NOD2: variants seen among roughly 807,000 people sequenced by gnomAD.
The protein encoded by NOD2 is nucleotide-binding oligomerization domain-containing protein 2.
NOD2 carries 86 observed loss-of-function variants against 90.9 expected under a neutral mutation model. That is an observed-to-expected ratio of 0.95 (90% confidence interval 0.79 to 1.13). The LOEUF is 1.13. Among genes scored for constraint, NOD2 ranks in the 50% most tolerant of loss-of-function variants. The pLI, the probability that NOD2 is intolerant of heterozygous loss-of-function variation, is 0.00. For synonymous variants in NOD2, 581 were observed against 554.6 expected (o/e 1.05, Z -0.67); for missense variants, 1,238 against 1,283.8 (o/e 0.96, Z 0.55).
In NOD2 at chr16:50,711,351, C is replaced by T. The variant is rs753323790; in HGVS notation, c.1359C>T (p.His453=). The T allele has an allele frequency of 2.2e-5, 36 of 1,613,468 alleles. No homozygotes were observed. Among genetic ancestry groups the T allele is most frequent in the South Asian group, 5.5e-5 (5 of 91,092 alleles). ...IRLLQETSAL[H]GLCHLPVFSW... is the part of the protein sequence containing the mutation. Reference sequence around the variant, plus strand: ...TGCTCCAAGAGACCTCAGCCCTGCACGGTTTGTGCCACCTGCCTGTCTTCT... The same window carrying T: ...TGCTCCAAGAGACCTCAGCCCTGCATGGTTTGTGCCACCTGCCTGTCTTCT... Residue 453 remains histidine (H), a synonymous_variant, in exon 4 of 12, where the codon CAC becomes CAT. Coordinates refer to ENST00000647318, the MANE Select transcript of NOD2 (RefSeq NM_001370466.1).
chr16:50,717,377 C>T (rs1964848139), intron 6 of NOD2, among the ~76,000 whole-genome samples: 1 of 152,206 alleles, frequency 6.6e-6, no homozygotes, highest in Non-Finnish European at 1.5e-5. Context: ...GAGGTCCTTT[C>T]ACCACTCAGA....
At chr16:50,719,298 C>T (rs972015434) in intron 6 of NOD2, among the ~76,000 whole-genome samples, 14 of 152,148 alleles carry the variant, frequency 9.2e-5, no homozygotes, top group African/African-American at 2.4e-4. Context: ...AGAATGAAAG[C>T]GTATAGTTAT....
intron 10 of NOD2, chr16:50,727,452 C>A: frequency 5.0e-6 from 1 of 200,786 alleles, no homozygotes; most frequent in Non-Finnish European, 1.0e-5. Context: ...AAATAGGAAC[C>A]ATTAAAATCA....
intron 1 of NOD2, chr16:50,697,733 G>T (rs1018171150): frequency 6.3e-6 from 2 of 316,386 alleles, no homozygotes; most frequent in Non-Finnish European, 1.2e-5. Context: ...CTCCCAAGCA[G>T]CCAGACACAC....
intron 3 of NOD2, 84 bp from the exon 4 acceptor site, chr16:50,710,474 C>T (rs1051997843): frequency 8.9e-6 from 14 of 1,579,148 alleles, no homozygotes; most frequent in Middle Eastern, 1.8e-4. Flanking sequence ...GTTATGTCAG[C>T]GTCCCCCGCA....
At position 50,719,965 on chromosome 16, in the gene NOD2, C is replaced by G. The variant is rs371163141; in HGVS notation, c.2590C>G (p.Leu864Val). 3.1e-6 allele frequency: 5 copies of G among 1,614,074 alleles called. No homozygotes were observed. In the African/African-American group the frequency reaches 5.3e-5, roughly 17 times the overall value. Reference protein sequence around the residue: ...NYITAAGAQVLAEGLRGNTSL... With the variant: ...NYITAAGAQVVAEGLRGNTSL... ...CATCACTGCCGCGGGAGCCCAAGTG[C>G]TGGCCGAGGGGCTCCGAGGCAACAC... is the stretch of plus-strand genomic sequence containing the variant. Residue 864 changes from leucine (L) to valine (V), a missense_variant, in exon 7 of 12, where the codon CTG becomes GTG. Physicochemically the swap from Leu to Val is conservative, Grantham distance 32 (BLOSUM62 1). This residue lies in a region of NOD2 where 667 missense variants were observed against 688.7 expected (regional missense o/e 0.97). Coordinates refer to ENST00000647318, the MANE Select transcript of NOD2 (RefSeq NM_001370466.1).
chr16:50,697,556 C>T, intron 1 of NOD2: 2 of 597,638 alleles, frequency 3.3e-6, no homozygotes, highest in South Asian at 1.9e-5. Flanking sequence ...CAGGGCCAAG[C>T]CCAGAGCTTA....
Position 50,707,865 on chromosome 16 carries a change from T to C in NOD2, c.470T>C (p.Leu157Pro), listed in dbSNP as rs1400044115. 3.7e-6 allele frequency: 6 copies of C among 1,613,076 alleles called. No homozygotes were observed. Among genetic ancestry groups the C allele is most frequent in the Non-Finnish European group, 5.1e-6 (6 of 1,179,110 alleles). ...IFTPSQRARR[L>P]LDLATVKANG... Reference sequence around the variant, plus strand: ...CTGCCTTTCCTGTAGGCAAGAAGGCTGCTTGATCTTGCCACGGTGAAAGCG... The same window carrying C: ...CTGCCTTTCCTGTAGGCAAGAAGGCCGCTTGATCTTGCCACGGTGAAAGCG... Residue 157 changes from leucine to proline, a missense_variant, in exon 3 of 12, where the codon CTG (leucine) becomes CCG (proline). Leu to Pro is a moderately conservative substitution (Grantham distance 98). Coordinates refer to ENST00000647318, the MANE Select transcript of NOD2 (RefSeq NM_001370466.1).
chr16:50,730,006 C>T, intron 11 of NOD2, 105 bp downstream of exon 11: 1 of 756,184 alleles, frequency 1.3e-6, no homozygotes. Flanking sequence ...AGGATCCCTT[C>T]TGATTCTGAC....
chr16:50,726,269 C>T (rs1045123411), intron 10 of NOD2, among the ~76,000 whole-genome samples: 1 of 149,488 alleles, frequency 6.7e-6, no homozygotes, highest in Non-Finnish European at 1.5e-5. Flanking sequence ...TTCAAGTAGA[C>T]CTCAGGAACC....
At chr16:50,707,085 A>G (rs1286448861) in intron 2 of NOD2, among the ~76,000 whole-genome samples, 1 of 152,116 alleles carries the variant, frequency 6.6e-6, no homozygotes, top group Non-Finnish European at 1.5e-5. Flanking sequence ...ATTAAAGTTG[A>G]TTTCATCTAT....
chr16:50,730,701 A>C (rs1475553916), intron 11 of NOD2, among the ~76,000 whole-genome samples: 1 of 152,200 alleles, frequency 6.6e-6, no homozygotes, highest in African/African-American at 2.4e-5. Context: ...AGTTAACCAG[A>C]GTACAAGAAG....
At chr16:50,712,997 G>A (rs555491051) in intron 4 of NOD2, 1 of 160,700 alleles carries the variant, frequency 6.2e-6, no homozygotes, top group Non-Finnish European at 1.4e-5. Flanking sequence ...TGTCCAAACA[G>A]GATTTCAGCA....
intron 2 of NOD2, among the ~76,000 whole-genome samples, chr16:50,707,629 C>T (rs1402362567): frequency 6.6e-6 from 1 of 152,130 alleles, no homozygotes; most frequent in Non-Finnish European, 1.5e-5. Flanking sequence ...TTCAGTTATT[C>T]ACTGTTTTAG....
chr16:50,707,770 T>C, intron 2 of NOD2, 85 bp from the exon 3 acceptor site: 1 of 917,346 alleles, frequency 1.1e-6, no homozygotes. Context: ...AGAGAGATGC[T>C]TATGAAGTTG....
rs1596899756 is a variant in NOD2 at position 50,722,470 on chromosome 16, C to A, written c.2634-152C>A. On this transcript the variant is annotated intron_variant, in intron 7 of 11. Transcript: ENST00000647318. ...AAAAGATGGAGGCAGGTCCACTTTG[C>A]TGGGACCAGGAGCCCCAGTGAGGCC... 3 of 782,150 alleles carry A rather than the reference C, an allele frequency of 3.8e-6. No homozygotes were observed. The East Asian group carries it at 7.4e-5, about 19-fold the overall frequency. 48.5% of individuals were successfully genotyped at this position (782,150 alleles called of 1,614,324 possible).
chr16:50,712,622 A>C, intron 4 of NOD2: 1 of 573,820 alleles, frequency 1.7e-6, no homozygotes, highest in East Asian at 3.0e-5. Context: ...TCTAATCTCT[A>C]CAACCACCCT....
At chr16:50,718,240 G>C (rs906345642) in intron 6 of NOD2, among the ~76,000 whole-genome samples, 6 of 152,172 alleles carry the variant, frequency 3.9e-5, no homozygotes, top group African/African-American at 1.4e-4. Flanking sequence ...CTGTTGACCT[G>C]ACCACACTTC....
Position 50,712,128 on chromosome 16 carries a change from C to T in NOD2, c.2136C>T (p.Phe712=), listed in dbSNP as rs1055455914. ...AGAGCGTGCATGCCATGCCCGGGTT[C>T]ATCTGGCTCATCCGGAGCCTGTACG... ...EAKSVHAMPG[F]IWLIRSLYEM... is the part of the protein sequence containing the mutation. The change falls in exon 4 of 12, where the codon TTC becomes TTT. Residue 712 remains phenylalanine (F), a synonymous_variant. Transcript: ENST00000647318. 1.9e-5 allele frequency: 31 copies of T among 1,613,978 alleles called. No individual in the cohort carries two copies. The highest frequency in any genetic ancestry group is 2.6e-5 in the Non-Finnish European group (31 of 1,180,058).
Sources: allele counts gnomAD v4.1 joint callset (sites outside exome capture counted in the v4.1 genomes callset), GRCh38; gene constraint gnomAD v4.1.1; regional missense constraint gnomAD v4.1.1; transcripts MANE v1.5; gene names NCBI Gene and HGNC (gene_info 2026-07-23, HGNC 2026-07-21).